CNBD1: variants seen among roughly 807,000 people sequenced by gnomAD.
The protein encoded by CNBD1 is cyclic nucleotide-binding domain-containing protein 1.
A neutral mutation model predicts 54.4 loss-of-function variants in CNBD1; 71 were observed. The observed-to-expected ratio is 1.30, with a 90% CI of 1.08 to 1.59. CNBD1 has a LOEUF of 1.59. Ranked by LOEUF, CNBD1 falls within the 40% of genes most tolerant of loss-of-function variation. CNBD1 has a pLI of 0.00. For synonymous variants in CNBD1, 182 were observed against 170.7 expected (o/e 1.07, Z -0.51); for missense variants, 659 against 518.0 (o/e 1.27, Z -2.64).
chr8:87,168,197 A>G (rs1356847518), intron 4 of CNBD1, among the ~76,000 whole-genome samples: 1 of 152,032 alleles, frequency 6.6e-6, no homozygotes, highest in East Asian at 1.9e-4. Context: ...ATTGCTATGG[A>G]TCCACATGGC....
At chr8:86,890,970 T>C (rs1404810848) in intron 2 of CNBD1, among the ~76,000 whole-genome samples, 1 of 142,960 alleles carries the variant, frequency 7.0e-6, no homozygotes, top group Non-Finnish European at 1.5e-5. Context: ...TGAGTTGAGT[T>C]CCTTGTATAT....
At chr8:87,427,097 C>T (rs552605076) in intron 2 of CNBD1, among the ~76,000 whole-genome samples, 1 of 152,172 alleles carries the variant, frequency 6.6e-6, no homozygotes, top group Non-Finnish European at 1.5e-5. Flanking sequence ...AGCAGCATGA[C>T]AAGGACCTCG....
At chr8:87,036,776 TAAA>T (rs984365826) in intron 4 of CNBD1, among the ~76,000 whole-genome samples, 1 of 152,124 alleles carries the variant, frequency 6.6e-6, no homozygotes, top group African/African-American at 2.4e-5. Context: ...ACTCTAATAA[TAAA>T]GTCCAATATA....
chr8:87,407,183 A>G (rs1807666176), intron 2 of CNBD1, among the ~76,000 whole-genome samples: 1 of 152,116 alleles, frequency 6.6e-6, no homozygotes, highest in Admixed American at 6.6e-5. Flanking sequence ...ACCTATCTGT[A>G]TCTTCAAAGT....
intron 2 of CNBD1, among the ~76,000 whole-genome samples, chr8:87,421,544 C>T (rs1323114704): frequency 8.0e-5 from 12 of 150,596 alleles, no homozygotes; most frequent in East Asian, 2.0e-4. Context: ...TTTGTTCTTG[C>T]GATAGTTTAC....
At chr8:86,919,179 A>G (rs73269838) in intron 3 of CNBD1, among the ~76,000 whole-genome samples, 2,544 of 152,296 alleles carry the variant, frequency 0.017, 69 homozygotes, top group African/African-American at 0.056. Context: ...AAACAAAGAA[A>G]TACACATAGG....
intron 8 of CNBD1, among the ~76,000 whole-genome samples, chr8:87,293,061 C>T (rs112480912): frequency 1.9e-3 from 287 of 152,216 alleles, no homozygotes; most frequent in Non-Finnish European, 3.5e-3. Context: ...CAAAGGGCTG[C>T]GCACTGGGTG....
At chr8:87,169,014 C>G (rs941180604) in intron 4 of CNBD1, among the ~76,000 whole-genome samples, 1 of 152,012 alleles carries the variant, frequency 6.6e-6, no homozygotes, top group Non-Finnish European at 1.5e-5. Context: ...AAACCACTCT[C>G]CATAGTGGTT....
At chr8:87,393,936 C>T (rs1033358585) in intron 2 of CNBD1, among the ~76,000 whole-genome samples, 16 of 151,758 alleles carry the variant, frequency 1.1e-4, no homozygotes, top group Admixed American at 1.1e-3. Flanking sequence ...AAACACTATC[C>T]AAAGGCCAGT....
At chr8:87,328,230 G>T (rs898226439) in intron 8 of CNBD1, among the ~76,000 whole-genome samples, 4 of 151,516 alleles carry the variant, frequency 2.6e-5, no homozygotes, top group Non-Finnish European at 5.9e-5. Flanking sequence ...TACTGAAGAG[G>T]CTATATTTCC....
At chr8:87,189,694 T>TGC (rs1202561559) in intron 4 of CNBD1, among the ~76,000 whole-genome samples, 29 of 152,226 alleles carry the variant, frequency 1.9e-4, no homozygotes, top group Non-Finnish European at 4.3e-4. Context: ...AAGCGTGCTG[T>TGC]GCCTCTGATG....
intron 4 of CNBD1, among the ~76,000 whole-genome samples, chr8:87,153,410 C>T (rs1222025233): frequency 6.6e-6 from 1 of 152,028 alleles, no homozygotes; most frequent in Non-Finnish European, 1.5e-5. Context: ...GACCTTTAAG[C>T]TATAATTTAT....
At chr8:86,919,940 T>C in intron 3 of CNBD1, among the ~76,000 whole-genome samples, 1 of 152,218 alleles carries the variant, frequency 6.6e-6, no homozygotes, top group East Asian at 1.9e-4. Context: ...ATCCTAATGA[T>C]ACTGGTTCAT....
intron 6 of CNBD1, among the ~76,000 whole-genome samples, chr8:87,271,671 T>C (rs927867094): frequency 6.6e-6 from 1 of 151,998 alleles, no homozygotes; most frequent in African/African-American, 2.4e-5. Context: ...TGTAAATTAG[T>C]ATAGCCACTA....
At position 87,286,679 on chromosome 8, in the gene CNBD1, T is replaced by G; in HGVS notation, c.1042+8T>G. 1 of 1,528,668 alleles carries G rather than the reference T, an allele frequency of 6.5e-7. No individual in the cohort carries two copies. Among genetic ancestry groups the G allele is most frequent in the African/African-American group, 1.4e-5 (1 of 72,508 alleles). The allele number at this position is 1,528,668 out of a possible 1,614,324, so 94.7% of individuals were successfully genotyped here. A position where few individuals can be genotyped will look rare whatever the true frequency, so the allele number is the denominator to read the frequency against. ...AATTTCCTCCAGGTCATGGTAAGTT[T>G]AATGCAATTTAGATCATTTTGTTTG... On this transcript the variant is annotated splice_region_variant and intron_variant, in intron 8 of 10. Transcript: ENST00000518476.
chr8:86,926,003 A>C (rs1228644425), intron 3 of CNBD1, among the ~76,000 whole-genome samples: 1 of 152,140 alleles, frequency 6.6e-6, no homozygotes, highest in East Asian at 1.9e-4. Flanking sequence ...ACCAGCTTTT[A>C]TTCCCTTATT....
intron 3 of CNBD1, among the ~76,000 whole-genome samples, chr8:86,913,842 A>C (rs927485984): frequency 3.9e-5 from 6 of 152,100 alleles, no homozygotes; most frequent in African/African-American, 7.2e-5. Flanking sequence ...GGTGTGTTTC[A>C]TCCCTATCTA....
At chr8:87,321,960 C>A (rs13259237) in intron 8 of CNBD1, among the ~76,000 whole-genome samples, 3 of 142,678 alleles carry the variant, frequency 2.1e-5, no homozygotes, top group South Asian at 2.2e-4. Context: ...CCGCTCCCCC[C>A]ACCCCACCAC....
At chr8:87,041,176 A>G (rs1449200275) in intron 4 of CNBD1, among the ~76,000 whole-genome samples, 1 of 152,162 alleles carries the variant, frequency 6.6e-6, no homozygotes, top group South Asian at 2.1e-4. Flanking sequence ...TGTAAGAACT[A>G]CTATGAAGCC....
Sources: gnomAD v4.1 joint callset for allele counts (sites outside exome capture counted in the v4.1 genomes callset) on GRCh38, gnomAD v4.1.1 for gene constraint, MANE v1.5 for transcripts, NCBI Gene and HGNC (gene_info 2026-07-23, HGNC 2026-07-21) for gene names.